PAIP2: variants seen among roughly 807,000 people sequenced by gnomAD.
PAIP2 encodes polyadenylate-binding protein-interacting protein 2.
A neutral mutation model predicts 14.8 loss-of-function variants in PAIP2; 7 were observed. That is an observed-to-expected ratio of 0.47 (90% CI 0.27 to 0.89). PAIP2 has a LOEUF of 0.89. Among genes scored for constraint, PAIP2 ranks in the 40% least tolerant of loss-of-function variants. The probability of loss-of-function intolerance (pLI) is 0.13; values close to 1 mark genes in which losing one functional copy is unlikely to be tolerated. For synonymous variants in PAIP2, 47 were observed against 45.3 expected (o/e 1.04, Z -0.15); for missense variants, 122 against 154.7 (o/e 0.79, Z 1.12).
chr5:139,358,915 A>C (rs546211672), intron 1 of PAIP2, among the ~76,000 whole-genome samples: 11 of 152,308 alleles, frequency 7.2e-5, no homozygotes, highest in African/African-American at 2.4e-4. Context: ...TGGGGTGGTG[A>C]AAATGTTCTG....
At position 139,350,713 on chromosome 5, in the gene PAIP2, C is replaced by CA. The variant is rs551022113; in HGVS notation, c.-27+8742dup. ...ACCTGCAACTTATCAAATGGTTAAGCAAAAAAAAAGAAGAAAAAAATAGAG... is the reference window on the plus strand; with the variant it reads ...ACCTGCAACTTATCAAATGGTTAAGCAAAAAAAAAAGAAGAAAAAAATAGAG... On this transcript the variant is annotated intron_variant, in intron 1 of 3. Transcript: ENST00000265192. Among the ~76,000 whole-genome samples, 50 of 147,858 alleles carry CA rather than the reference C, an allele frequency of 3.4e-4. 1 individual carries two copies. Among genetic ancestry groups the CA allele is most frequent in the South Asian group, 2.4e-3 (11 of 4,654 alleles).
At chr5:139,345,218 T>G (rs1027148312) in intron 1 of PAIP2, among the ~76,000 whole-genome samples, 1 of 152,114 alleles carries the variant, frequency 6.6e-6, no homozygotes, top group Non-Finnish European at 1.5e-5. Flanking sequence ...TTTTTGTATT[T>G]TTAATAGAGA....
At chr5:139,347,154 T>C (rs1756575646) in intron 1 of PAIP2, among the ~76,000 whole-genome samples, 1 of 151,736 alleles carries the variant, frequency 6.6e-6, no homozygotes, top group African/African-American at 2.4e-5. Context: ...TTCTACAACA[T>C]TGAAAGTTGG....
rs34018719 is a variant in PAIP2 at position 139,347,268 on chromosome 5, CT to C, written c.-27+5311del. Among the ~76,000 whole-genome samples, 105 of 105,858 alleles carry C rather than the reference CT, an allele frequency of 9.9e-4. 1 individual carries two copies. Among genetic ancestry groups the C allele is most frequent in the African/African-American group, 3.1e-3 (83 of 27,000 alleles). 69.4% of individuals were successfully genotyped at this position (105,858 alleles called of 152,430 possible). ...TTACATGGAAATACTCATGTTACAA[CT>C]TTTTTTTTTTTTTTTTTTTTTTAAG... On this transcript the variant is annotated intron_variant, in intron 1 of 3. Transcript: ENST00000265192.
chr5:139,366,858 C>G (rs575682963), intron 3 of PAIP2, among the ~76,000 whole-genome samples: 1 of 152,010 alleles, frequency 6.6e-6, no homozygotes, highest in Non-Finnish European at 1.5e-5. Context: ...CCCAGGAGTT[C>G]GAGACCAGCC....
chr5:139,360,992 G>T (rs1283088413), intron 1 of PAIP2, among the ~76,000 whole-genome samples: 1 of 151,946 alleles, frequency 6.6e-6, no homozygotes, highest in Non-Finnish European at 1.5e-5. Context: ...TGTTGCCCAG[G>T]CTGGTCTCGA....
At chr5:139,356,454 TAATA>T (rs796298955) in intron 1 of PAIP2, among the ~76,000 whole-genome samples, 8 of 152,144 alleles carry the variant, frequency 5.3e-5, no homozygotes, top group East Asian at 1.9e-4. Context: ...TCGTCAAAAA[TAATA>T]AATAAATAAA....
intron 3 of PAIP2, 26 bp from the exon 4 acceptor site, chr5:139,368,707 T>C: frequency 1.3e-6 from 2 of 1,557,354 alleles, no homozygotes; most frequent in Non-Finnish European, 1.8e-6. Context: ...TTAATGAACT[T>C]GCTTTTTTAT....
At chr5:139,345,115 G>A (rs969298688) in intron 1 of PAIP2, among the ~76,000 whole-genome samples, 12 of 151,484 alleles carry the variant, frequency 7.9e-5, no homozygotes, top group Non-Finnish European at 1.3e-4. Context: ...GCGCGATCTC[G>A]GCTCACTGCA....
At chr5:139,367,618 A>G (rs1391113537) in intron 3 of PAIP2, 1 of 152,126 alleles carries the variant, frequency 6.6e-6, no homozygotes, top group Non-Finnish European at 1.5e-5. Flanking sequence ...TTTTCCTGTT[A>G]TATACCATGC....
chr5:139,362,405 GTTTTTTTTTTTTT>G (rs554669690), intron 1 of PAIP2, among the ~76,000 whole-genome samples: 15 of 73,928 alleles, frequency 2.0e-4, no homozygotes, highest in Admixed American at 1.0e-3. Flanking sequence ...GTTTTTGGGT[GTTTTTTTTTTTTT>G]TTTTTTTTTG....
intron 1 of PAIP2, among the ~76,000 whole-genome samples, chr5:139,357,636 T>G (rs2152051230): frequency 6.6e-6 from 1 of 152,038 alleles, no homozygotes; most frequent in Admixed American, 6.6e-5. Context: ...ATCGAGACCA[T>G]CCTGGCCAAC....
chr5:139,343,594 G>A (rs1756445939), intron 1 of PAIP2, among the ~76,000 whole-genome samples: 1 of 152,114 alleles, frequency 6.6e-6, no homozygotes, highest in Non-Finnish European at 1.5e-5. Flanking sequence ...GAATGTGGAA[G>A]GCAAGACCTC....
At chr5:139,368,215 G>A (rs1561967620) in intron 3 of PAIP2, among the ~76,000 whole-genome samples, 1 of 152,172 alleles carries the variant, frequency 6.6e-6, no homozygotes. Context: ...GTGGGCGCCT[G>A]TAGTCCCAGC....
chr5:139,364,854 T>A, intron 3 of PAIP2, 111 bp downstream of exon 3: 1 of 733,400 alleles, frequency 1.4e-6, no homozygotes, highest in Non-Finnish European at 2.2e-6. Flanking sequence ...TCAGAAATTG[T>A]GCTGCTTCTG....
At chr5:139,368,634 CTTT>C in intron 3 of PAIP2, 96 bp from the exon 4 acceptor site, 3 of 649,854 alleles carry the variant, frequency 4.6e-6, no homozygotes, top group Non-Finnish European at 5.2e-6. Context: ...GTTCTTTTGT[CTTT>C]TTTTTTTTGG....
rs1317385108 is a variant in PAIP2, at chr5:139,367,619, T to C, written c.319-1114T>C. ...CCCATGTAGTTTTCTTTTCCTGTTA[T>C]ATACCATGCTTCCTGTGGGAATTAG... On this transcript the variant is annotated intron_variant, in intron 3 of 3. Coordinates refer to ENST00000265192, the MANE Select transcript of PAIP2 (RefSeq NM_016480.5). 3 of 152,218 alleles carry C rather than the reference T, an allele frequency of 2.0e-5. No homozygotes were observed. The East Asian group carries it at 5.8e-4, about 29-fold the overall frequency. 9.4% of individuals were successfully genotyped at this position (152,218 alleles called of 1,614,324 possible). A position where few individuals can be genotyped will look rare whatever the true frequency, so the allele number is the denominator to read the frequency against.
chr5:139,354,466 G>A (rs922136505), intron 1 of PAIP2, among the ~76,000 whole-genome samples: 2 of 152,074 alleles, frequency 1.3e-5, no homozygotes, highest in African/African-American at 4.8e-5. Flanking sequence ...TCAACAATTC[G>A]ATTGTAATGT....
intron 1 of PAIP2, among the ~76,000 whole-genome samples, chr5:139,343,810 C>T (rs76404052): frequency 1.9e-3 from 294 of 151,322 alleles, no homozygotes; most frequent in African/African-American, 6.8e-3. Flanking sequence ...TCCGCCTCCC[C>T]GGGTTCAAGC....
Sources: gnomAD v4.1 joint callset for allele counts (sites outside exome capture counted in the v4.1 genomes callset) on GRCh38, gnomAD v4.1.1 for gene constraint, MANE v1.5 for transcripts, NCBI Gene and HGNC (gene_info 2026-07-23, HGNC 2026-07-21) for gene names.